Variants in RBFOX1 observed in about 807,000 individuals in gnomAD.
RBFOX1 encodes the protein RNA binding protein fox-1 homolog 1.
Under a neutral mutation model 57.7 loss-of-function variants are expected in RBFOX1, and 8 were observed. The observed-to-expected ratio is 0.14, with a 90% CI of 0.08 to 0.25. The LOEUF is 0.25. Among genes scored for constraint, RBFOX1 ranks in the 10% least tolerant of loss-of-function variants. The pLI is 1.00. For missense variants in RBFOX1, 611 were observed against 548.5 expected (o/e 1.11, Z -1.14); for synonymous variants, 326 against 222.4 (o/e 1.47, Z -4.15).
chr16:7,072,809 G>T (rs1414498699), intron 4 of RBFOX1, among the ~76,000 whole-genome samples: 2 of 152,216 alleles, frequency 1.3e-5, no homozygotes, highest in African/African-American at 2.4e-5. Context: ...TGAAGCTACC[G>T]TTGGCCCAGT....
At chr16:5,926,137 G>A (rs536767010) in intron 4 of RBFOX1, among the ~76,000 whole-genome samples, 5 of 152,176 alleles carry the variant, frequency 3.3e-5, no homozygotes, top group Non-Finnish European at 7.4e-5. Flanking sequence ...ATCTCTTCCA[G>A]TGAAAAGGGA....
chr16:7,253,086 C>G (rs1053793866), intron 4 of RBFOX1, among the ~76,000 whole-genome samples: 8 of 152,180 alleles, frequency 5.3e-5, no homozygotes, highest in African/African-American at 1.9e-4. Context: ...CCTTTAAACA[C>G]AGCATCACTG....
At chr16:6,300,931 A>C (rs1220174568) in intron 1 of RBFOX1, among the ~76,000 whole-genome samples, 3 of 152,202 alleles carry the variant, frequency 2.0e-5, no homozygotes, top group Non-Finnish European at 4.4e-5. Flanking sequence ...CCCTAACTGT[A>C]CCTGGCATCA....
intron 3 of RBFOX1, among the ~76,000 whole-genome samples, chr16:5,862,441 G>C (rs532185063): frequency 1.3e-5 from 2 of 152,264 alleles, no homozygotes; most frequent in East Asian, 3.9e-4. Context: ...CGTTGGCACA[G>C]CCATCCCTAC....
At chr16:6,588,136 C>A (rs571745426) in intron 2 of RBFOX1, among the ~76,000 whole-genome samples, 3 of 151,712 alleles carry the variant, frequency 2.0e-5, no homozygotes, top group African/African-American at 7.3e-5. Context: ...GAGGCTGAGG[C>A]AGGAGAATTG....
At chr16:5,257,266 C>A (rs895203605) in intron 1 of RBFOX1, among the ~76,000 whole-genome samples, 3 of 152,214 alleles carry the variant, frequency 2.0e-5, no homozygotes, top group Admixed American at 1.3e-4. Context: ...AATCTGTCAT[C>A]TTTACAACTA....
chr16:6,822,472 A>G (rs962752244), intron 3 of RBFOX1, among the ~76,000 whole-genome samples: 1 of 152,246 alleles, frequency 6.6e-6, no homozygotes, highest in African/African-American at 2.4e-5. Context: ...AGAAAGGGTT[A>G]TAAATAAAAC....
At position 6,508,100 on chromosome 16, in the gene RBFOX1, A is replaced by C. The variant is rs529624622; in HGVS notation, c.-63-146503A>C. The stretch of plus-strand genomic sequence containing the variant: ...GAGCTGGAGGTCATTATCCTTAGCA[A>C]ACTAATGCAGGAGCAGAAAACCAAA... On this transcript the variant is annotated intron_variant, in intron 2 of 15. Coordinates refer to ENST00000550418, the MANE Select transcript of RBFOX1 (RefSeq NM_018723.4). Among the ~76,000 whole-genome samples the C allele has an allele frequency of 3.9e-5, 6 of 152,298 alleles. No individual in the cohort carries two copies. The South Asian group carries it at 1.2e-3, about 32-fold the overall frequency.
chr16:6,963,426 C>T (rs2083430846), intron 3 of RBFOX1, among the ~76,000 whole-genome samples: 1 of 152,086 alleles, frequency 6.6e-6, no homozygotes, highest in African/African-American at 2.4e-5. Flanking sequence ...TGGACTTCTA[C>T]CAAATGGTTG....
At chr16:6,494,664 G>A (rs975471981) in intron 2 of RBFOX1, among the ~76,000 whole-genome samples, 5 of 152,188 alleles carry the variant, frequency 3.3e-5, no homozygotes, top group Admixed American at 6.5e-5. Context: ...TTGCGTGACC[G>A]TGAGTTTCAC....
chr16:7,430,971 G>A (rs916013371), intron 4 of RBFOX1, among the ~76,000 whole-genome samples: 12 of 152,296 alleles, frequency 7.9e-5, no homozygotes, highest in Middle Eastern at 3.4e-3. Flanking sequence ...ATAGAAGCAC[G>A]TGTACTTGAA....
chr16:5,530,994 A>T (rs1180851879), intron 2 of RBFOX1, among the ~76,000 whole-genome samples: 1 of 145,758 alleles, frequency 6.9e-6, no homozygotes, highest in African/African-American at 2.5e-5. Context: ...GCTTGGTGGC[A>T]GGCACCTGTA....
intron 2 of RBFOX1, among the ~76,000 whole-genome samples, chr16:6,508,178 A>G (rs1042713165): frequency 2.0e-5 from 3 of 152,270 alleles, no homozygotes; most frequent in Non-Finnish European, 4.4e-5. Flanking sequence ...ACGCATGGAC[A>G]CATAGAGTGA....
intron 4 of RBFOX1, among the ~76,000 whole-genome samples, chr16:7,348,411 C>T (rs1488990136): frequency 3.4e-5 from 5 of 149,234 alleles, no homozygotes; most frequent in Non-Finnish European, 7.4e-5. Context: ...TTTTTTTTTA[C>T]CTCATGAATA....
At chr16:5,808,955 T>C (rs2055326170) in intron 3 of RBFOX1, among the ~76,000 whole-genome samples, 1 of 152,162 alleles carries the variant, frequency 6.6e-6, no homozygotes, top group Admixed American at 6.5e-5. Context: ...TCCAACACTA[T>C]GTTGAATAGG....
At chr16:5,902,286 A>G (rs1403919557) in intron 4 of RBFOX1, among the ~76,000 whole-genome samples, 1 of 152,236 alleles carries the variant, frequency 6.6e-6, no homozygotes, top group Non-Finnish European at 1.5e-5. Flanking sequence ...CCTAAGAGCC[A>G]CAGTTGACAA....
intron 4 of RBFOX1, among the ~76,000 whole-genome samples, chr16:7,118,670 C>A (rs1217618983): frequency 1.3e-5 from 2 of 152,068 alleles, no homozygotes; most frequent in African/African-American, 4.8e-5. Flanking sequence ...AGTTGTGGGT[C>A]CTGCTCACAT....
At chr16:5,666,511 A>G (rs1163905795) in intron 3 of RBFOX1, among the ~76,000 whole-genome samples, 1 of 152,192 alleles carries the variant, frequency 6.6e-6, no homozygotes, top group Non-Finnish European at 1.5e-5. Context: ...AGACAGACCA[A>G]ATAGGTTCCT....
chr16:5,424,275 C>T (rs947229254), intron 1 of RBFOX1, among the ~76,000 whole-genome samples: 3 of 152,148 alleles, frequency 2.0e-5, no homozygotes, highest in East Asian at 1.9e-4. Flanking sequence ...TGATCAAAAT[C>T]GTGTTTATTA....
Sources: allele counts gnomAD v4.1 joint callset (sites outside exome capture counted in the v4.1 genomes callset), GRCh38; gene constraint gnomAD v4.1.1; transcripts MANE v1.5; gene names NCBI Gene and HGNC (gene_info 2026-07-23, HGNC 2026-07-21).